Variants in NUTM1 observed in about 807,000 individuals in gnomAD.
NUTM1 encodes NUT midline carcinoma family member 1.
NUTM1 carries 39 observed loss-of-function variants against 88.7 expected under a neutral mutation model. The observed-to-expected ratio is 0.44, with a 90% CI of 0.34 to 0.57. The LOEUF is 0.57. NUTM1 is among the 20% of genes least tolerant of loss of function. The pLI is 0.01. For synonymous variants in NUTM1, 494 were observed against 538.0 expected (o/e 0.92, Z 1.13); for missense variants, 1,350 against 1,414.5 (o/e 0.95, Z 0.73).
chr15:34,350,841 G>A lies in NUTM1; in HGVS notation c.938+9G>A, dbSNP rs750453873. 3.7e-6 allele frequency: 6 copies of A among 1,613,918 alleles called. No individual in the cohort carries two copies. The highest frequency in any genetic ancestry group is 2.2e-5 in the East Asian group (1 of 44,872). ...TATGAGATGGCAGAAAGGTGAGTTC[G>A]ATGAACCTTCATTCTCCTGAGGGAG... On this transcript the variant is annotated intron_variant, in intron 4 of 7. Transcript: ENST00000537011.
chr15:34,343,945 C>T (rs1328164136), intron 1 of NUTM1, among the ~76,000 whole-genome samples: 1 of 145,420 alleles, frequency 6.9e-6, no homozygotes, highest in South Asian at 2.1e-4. Context: ...TATGGTTTGG[C>T]GGGGCGCGGT....
Position 34,343,568 on chromosome 15 carries a change from C to T in NUTM1, c.-129C>T. The T allele has an allele frequency of 1.3e-6, 2 of 1,531,108 alleles. No individual in the cohort carries two copies. The highest frequency in any genetic ancestry group is 2.5e-5 in the East Asian group (1 of 40,790). The allele number at this position is 1,531,108 out of a possible 1,614,324, so 94.8% of individuals were successfully genotyped here. ...TTCAAAGCGTTGGCGGTAAAGAATG[C>T]ATGTTGAGTATCAATATTCCGTAAA... On this transcript the variant is annotated 5_prime_UTR_variant, in exon 1 of 8. Transcript: ENST00000537011.
chr15:34,348,111 A>G lies in NUTM1; in HGVS notation c.243A>G (p.Ser81=), dbSNP rs763014988. ...REPPPQPIMP[S]VFSPDNPLML... ...CACCTCCACAGCCCATCATGCCTTC[A>G]GTATTCTCTCCAGACAACCCTCTGA... The change falls in exon 3 of 8, where the codon TCA becomes TCG. Residue 81 remains serine (S), a synonymous_variant. Transcript: ENST00000537011. 1.9e-6 allele frequency: 3 copies of G among 1,614,124 alleles called. No homozygotes were observed. The South Asian group carries it at 3.3e-5, about 18-fold the overall frequency.
At position 34,354,484 on chromosome 15, in the gene NUTM1, C is replaced by T; in HGVS notation, c.1114C>T (p.Pro372Ser). ...GAAGGCAGCCTCCAAGACACGGGCC[C>T]CCCGCCGGCGTCAGCGTAAAGCCCA... ...PKKAASKTRA[P>S]RRRQRKAQRP... Residue 372 changes from proline to serine, a missense_variant, in exon 6 of 8, where the codon CCC becomes TCC. By Grantham distance (74) the Pro-to-Ser change is moderately conservative. Coordinates refer to ENST00000537011, the MANE Select transcript of NUTM1 (RefSeq NM_001284292.2). 2.5e-6 allele frequency: 4 copies of T among 1,614,192 alleles called. No individual in the cohort carries two copies. The Admixed American group carries it at 5.0e-5, about 20-fold the overall frequency.
intron 4 of NUTM1, among the ~76,000 whole-genome samples, chr15:34,351,227 CAAAAAAAAAAAAAAAAAAAAAAAA>C (rs397853945): frequency 4.4e-4 from 15 of 34,482 alleles, no homozygotes; most frequent in Admixed American, 1.7e-3. Context: ...GACTCCATCT[CAAAAAAAAAAAAAAAAAAAAAAAA>C]AAAAAAAAAA....
At position 34,350,726 on chromosome 15, in the gene NUTM1, C is replaced by T. The variant is rs1890688290; in HGVS notation, c.832C>T (p.Arg278Trp). 9.3e-6 allele frequency: 15 copies of T among 1,612,814 alleles called. No individual in the cohort carries two copies. The highest frequency in any genetic ancestry group is 5.0e-5 in the Admixed American group (3 of 59,836). Reference sequence around the variant, plus strand: ...TAGCCCAGTGCTTCGTTCCCTGGCCCGGCTGAAGCCCACTATGACCCTGGA... The same window carrying T: ...TAGCCCAGTGCTTCGTTCCCTGGCCTGGCTGAAGCCCACTATGACCCTGGA... ...FLIPVLRSLA[R>W]LKPTMTLEEG... The change falls in exon 4 of 8, where the codon CGG (arginine) becomes TGG (tryptophan). Residue 278 changes from arginine (R) to tryptophan (W), a missense_variant. This residue lies in a region of NUTM1 where 399 missense variants were observed against 397.9 expected (regional missense o/e 1.00). Transcript: ENST00000537011.
At chr15:34,347,669 C>T (rs200513193) in intron 2 of NUTM1, among the ~76,000 whole-genome samples, 6 of 152,110 alleles carry the variant, frequency 3.9e-5, no homozygotes, top group South Asian at 2.1e-4. Context: ...CTGGCTAACA[C>T]GGTGAAACCC....
intron 2 of NUTM1, among the ~76,000 whole-genome samples, chr15:34,346,847 C>T (rs1890599885): frequency 8.4e-6 from 1 of 119,366 alleles, no homozygotes; most frequent in South Asian, 2.9e-4. Context: ...CGTGCTGCTG[C>T]ACTCCAGAAT....
chr15:34,353,533 G>T (rs1890745903), intron 4 of NUTM1, among the ~76,000 whole-genome samples: 1 of 152,266 alleles, frequency 6.6e-6, no homozygotes, highest in African/African-American at 2.4e-5. Flanking sequence ...GACTATAGGG[G>T]AAGGAACTAT....
At position 34,357,475 on chromosome 15, in the gene NUTM1, G is replaced by A. The variant is rs765122021; in HGVS notation, c.3467G>A (p.Arg1156Gln). 2.0e-5 allele frequency: 33 copies of A among 1,612,856 alleles called. No individual in the cohort carries two copies. The highest frequency in any genetic ancestry group is 1.1e-4 in the East Asian group (5 of 44,858). Reference protein sequence around the residue: ...DSFVTGRRKKRRRSQ With the variant: ...DSFVTGRRKKQRRSQ The stretch of plus-strand genomic sequence containing the variant: ...TTTGTCACGGGCAGAAGGAAGAAAC[G>A]ACGTCGTAGCCAGTAGGGAGCAGCG... The change falls in exon 8 of 8, where the codon CGA becomes CAA. Residue 1156 changes from arginine (R) to glutamine (Q), a missense_variant. By Grantham distance (43) the Arg-to-Gln change is conservative (BLOSUM62 1). Coordinates refer to ENST00000537011, the MANE Select transcript of NUTM1 (RefSeq NM_001284292.2).
chr15:34,357,206 T>G lies in NUTM1; in HGVS notation c.3198T>G (p.Ser1066Arg). The change falls in exon 8 of 8, where the codon AGT (serine) becomes AGG (arginine). Residue 1066 changes from serine to arginine, a missense_variant. By Grantham distance (110) the Ser-to-Arg change is moderately radical. This residue lies in a region of NUTM1 where 730 missense variants were observed against 728.8 expected (regional missense o/e 1.00). Coordinates refer to ENST00000537011, the MANE Select transcript of NUTM1 (RefSeq NM_001284292.2). ...TCTCACCAAGGGAGCATCCCCTCAG[T>G]CCTCACCATGCCTCAGGAGGTCAGG... ...LSLSPREHPL[S>R]PHHASGGQGS... is the part of the protein sequence containing the mutation. 6.2e-7 allele frequency: 1 copy of G among 1,614,138 alleles called. No homozygotes were observed. The highest frequency in any genetic ancestry group is 8.5e-7 in the Non-Finnish European group (1 of 1,180,014).
Position 34,356,801 on chromosome 15 carries a change from A to G in NUTM1, c.2793A>G (p.Ile931Met). ...PLLETIEPVN[I>M]LDVKDDCGLQ... is the part of the protein sequence containing the mutation. ...TGGAAACCATAGAACCTGTCAACAT[A>G]CTAGATGTTAAAGATGACTGTGGCC... The change falls in exon 8 of 8, where the codon ATA becomes ATG. Residue 931 changes from isoleucine to methionine, a missense_variant. Around this residue, in one of 5 missense-constraint regions of NUTM1, gnomAD observed 730 missense variants for 728.8 expected, o/e 1.00. Coordinates refer to ENST00000537011, the MANE Select transcript of NUTM1 (RefSeq NM_001284292.2). 6.2e-7 allele frequency: 1 copy of G among 1,611,704 alleles called. No homozygotes were observed. The highest frequency in any genetic ancestry group is 8.5e-7 in the Non-Finnish European group (1 of 1,179,534).
intron 3 of NUTM1, among the ~76,000 whole-genome samples, chr15:34,349,074 G>A (rs1243267058): frequency 1.3e-5 from 2 of 152,202 alleles, no homozygotes; most frequent in Non-Finnish European, 2.9e-5. Context: ...AACTAGCCAG[G>A]ATGAGTGCTG....
chr15:34,348,200 C>T lies in NUTM1; in HGVS notation c.332C>T (p.Ala111Val). The T allele has an allele frequency of 1.2e-6, 2 of 1,613,220 alleles. No individual in the cohort carries two copies. The highest frequency in any genetic ancestry group is 1.7e-6 in the Non-Finnish European group (2 of 1,179,148). The change falls in exon 3 of 8, where the codon GCT (alanine) becomes GTT (valine). Residue 111 changes from alanine to valine, a missense_variant. By Grantham distance (64) the Ala-to-Val change is moderately conservative. This residue lies in a region of NUTM1 where 399 missense variants were observed against 397.9 expected (regional missense o/e 1.00). Coordinates refer to ENST00000537011, the MANE Select transcript of NUTM1 (RefSeq NM_001284292.2). ...TGDGGPCLSG[A>V]GAGKVIVKVK... ...GATGGGGGCCCTTGCCTCAGTGGGG[C>T]TGGGGCTGGCAAGGTCATTGTCAAA...
intron 4 of NUTM1, among the ~76,000 whole-genome samples, chr15:34,353,037 C>A (rs987652074): frequency 6.6e-6 from 1 of 151,380 alleles, no homozygotes; most frequent in African/African-American, 2.4e-5. Flanking sequence ...AGGCACCCAC[C>A]ACCACATCAG....
rs766520792 is a variant in NUTM1 at position 34,353,772 on chromosome 15, G to C, written c.975G>C (p.Gln325His). Residue 325 changes from glutamine (Q) to histidine (H), a missense_variant, in exon 5 of 8, where the codon CAG becomes CAC. Gln to His is a conservative substitution (Grantham distance 24). Coordinates refer to ENST00000537011, the MANE Select transcript of NUTM1 (RefSeq NM_001284292.2). ...MEFEAEEMQI[Q>H]NTQLMNGSQG... is the part of the protein sequence containing the mutation. ...TTGAGGCTGAGGAGATGCAGATTCA[G>C]AACACACAGCTGATGAATGGGTCTC... The C allele has an allele frequency of 1.8e-5, 29 of 1,614,024 alleles. No individual in the cohort carries two copies. Among genetic ancestry groups the C allele is most frequent in the Admixed American group, 8.3e-5 (5 of 60,008 alleles).
At chr15:34,344,166 G>A (rs1483639231) in intron 1 of NUTM1, among the ~76,000 whole-genome samples, 3 of 149,500 alleles carry the variant, frequency 2.0e-5, no homozygotes, top group Non-Finnish European at 4.4e-5. Flanking sequence ...AGGTTGCAGC[G>A]AGCTGAGATA....
At chr15:34,350,648 G>C (rs1890686790) in intron 3 of NUTM1, 56 bp from the exon 4 acceptor site, 6 of 1,587,146 alleles carry the variant, frequency 3.8e-6, no homozygotes. Flanking sequence ...GTAGGTGTCA[G>C]GGCAGGTGGA....
intron 4 of NUTM1, among the ~76,000 whole-genome samples, chr15:34,351,056 TA>T (rs777907063): frequency 4.0e-3 from 555 of 137,238 alleles, no homozygotes; most frequent in Middle Eastern, 7.5e-3. Flanking sequence ...CTGTCTCTAC[TA>T]AAAAAAAAAA....
Sources: allele counts gnomAD v4.1 joint callset (sites outside exome capture counted in the v4.1 genomes callset), GRCh38; gene constraint gnomAD v4.1.1; regional missense constraint gnomAD v4.1.1; transcripts MANE v1.5; gene names NCBI Gene and HGNC (gene_info 2026-07-23, HGNC 2026-07-21).